Variants in TASP1 observed in about 807,000 individuals in gnomAD.
The protein encoded by TASP1 is taspase 1.
In TASP1, 16 loss-of-function variants were observed where a neutral mutation model predicts 56.6. The observed-to-expected ratio is 0.28, with a 90% CI of 0.19 to 0.43. TASP1 has a LOEUF of 0.43. Among genes scored for constraint, TASP1 ranks in the 20% least tolerant of loss-of-function variants. TASP1 has a pLI of 1.00. For missense variants in TASP1, 393 were observed against 511.6 expected, an observed-to-expected ratio of 0.77 and a Z score of 2.24; for synonymous variants, 179 against 184.2, an observed-to-expected ratio of 0.97 and a Z score of 0.23.
At chr20:13,515,373 G>A (rs1306794217) in intron 10 of TASP1, among the ~76,000 whole-genome samples, 1 of 151,890 alleles carries the variant, frequency 6.6e-6, no homozygotes, top group East Asian at 1.9e-4. Flanking sequence ...GATGGGTGTT[G>A]CACAGCACCA....
chr20:13,222,947 C>T, the TASP1 span, among the ~76,000 whole-genome samples: 1 of 152,050 alleles, frequency 6.6e-6, no homozygotes, highest in Non-Finnish European at 1.5e-5. Flanking sequence ...TGGATCACCT[C>T]AGGCCAGGTG....
chr20:13,139,328 T>G, the TASP1 span, among the ~76,000 whole-genome samples: 2 of 152,208 alleles, frequency 1.3e-5, no homozygotes, highest in African/African-American at 4.8e-5. Context: ...TTGGTATTAG[T>G]TAAGTTATGT....
At chr20:13,117,546 C>G in the TASP1 span, 1 of 1,606,616 alleles carries the variant, frequency 6.2e-7, no homozygotes, top group South Asian at 1.1e-5. Context: ...GATCATAGCT[C>G]TAAAGAAGAA....
At position 13,534,050 on chromosome 20, in the gene TASP1, G is replaced by A; in HGVS notation, c.767C>T (p.Ala256Val). The A allele has an allele frequency of 6.2e-7, 1 of 1,613,214 alleles. No individual in the cohort carries two copies. The highest frequency in any genetic ancestry group is 8.5e-7 in the Non-Finnish European group (1 of 1,179,528). Residue 256 changes from alanine (A) to valine (V), a missense_variant, in exon 9 of 14, where the codon GCC becomes GTC. Coordinates refer to ENST00000337743, the MANE Select transcript of TASP1 (RefSeq NM_017714.3). The stretch of plus-strand genomic sequence containing the variant: ...CCCAACTCTCCCCGGATGTTTCAAG[G>A]CCAAGCCTCCACTGGAGACAGCAGC... ...VAAAVSSGGLALKHPGRVGQA... is the reference protein window; with the variant it reads ...VAAAVSSGGLVLKHPGRVGQA...
chr20:13,473,178 T>C (rs1172315571), intron 11 of TASP1, among the ~76,000 whole-genome samples: 1 of 152,102 alleles, frequency 6.6e-6, no homozygotes, highest in Non-Finnish European at 1.5e-5. Context: ...TGAGTTCATG[T>C]CCTTTGTAGT....
At chr20:13,212,607 C>T in the TASP1 span, among the ~76,000 whole-genome samples, 21 of 152,128 alleles carry the variant, frequency 1.4e-4, no homozygotes, top group East Asian at 2.1e-3. Flanking sequence ...TTCATGGCCC[C>T]GACAAATAAA....
intron 12 of TASP1, among the ~76,000 whole-genome samples, chr20:13,431,090 G>A (rs758570661): frequency 4.0e-5 from 6 of 151,296 alleles, no homozygotes; most frequent in Non-Finnish European, 7.4e-5. Context: ...TTATTCTTGG[G>A]ACCAAAAAAG....
chr20:13,615,292 C>A (rs930984842), intron 4 of TASP1, among the ~76,000 whole-genome samples: 3 of 152,112 alleles, frequency 2.0e-5, no homozygotes, highest in Non-Finnish European at 2.9e-5. Context: ...GTACACCATG[C>A]AGGAGGCTGG....
intron 10 of TASP1, among the ~76,000 whole-genome samples, chr20:13,528,068 A>G (rs755323569): frequency 6.6e-6 from 1 of 151,674 alleles, no homozygotes; most frequent in Non-Finnish European, 1.5e-5. Context: ...CTAAAAATAC[A>G]AAAAATCAGC....
At chr20:13,561,512 C>T (rs1020767723) in intron 7 of TASP1, among the ~76,000 whole-genome samples, 3 of 152,024 alleles carry the variant, frequency 2.0e-5, no homozygotes, top group Non-Finnish European at 4.4e-5. Context: ...ATTACAGGCA[C>T]GTGCCACCAC....
intron 9 of TASP1, 88 bp from the exon 10 acceptor site, chr20:13,528,599 C>T: frequency 8.5e-7 from 1 of 1,170,748 alleles, no homozygotes; most frequent in Non-Finnish European, 1.2e-6. Flanking sequence ...TCTAATAAAG[C>T]CTGGTTTAAT....
At chr20:13,392,553 G>A (rs574240392) in intron 13 of TASP1, 1 of 262,956 alleles carries the variant, frequency 3.8e-6, no homozygotes, top group African/African-American at 2.3e-5. Flanking sequence ...ATGCTGAGTG[G>A]GTAAATGACT....
chr20:13,579,445 T>C (rs1247714035), intron 6 of TASP1, among the ~76,000 whole-genome samples: 4 of 152,024 alleles, frequency 2.6e-5, no homozygotes, highest in African/African-American at 4.8e-5. Context: ...CTCAGCTCAC[T>C]GCAAGCTCCG....
intron 13 of TASP1, chr20:13,393,347 C>T (rs1466110975): frequency 2.7e-6 from 2 of 750,034 alleles, no homozygotes; most frequent in Non-Finnish European, 2.4e-6. Context: ...CCGAGCTGAA[C>T]AGGAAGCTCA....
chr20:13,124,237 C>A, the TASP1 span, among the ~76,000 whole-genome samples: 10 of 152,164 alleles, frequency 6.6e-5, no homozygotes, highest in East Asian at 1.7e-3. Context: ...ATCCTCCCTC[C>A]CCTCCTGGAC....
At chr20:13,163,166 G>A in the TASP1 span, among the ~76,000 whole-genome samples, 89 of 151,904 alleles carry the variant, frequency 5.9e-4, no homozygotes, top group Non-Finnish European at 8.2e-4. Flanking sequence ...TCAGGAGTTC[G>A]AGACCAGCCT....
intron 11 of TASP1, among the ~76,000 whole-genome samples, chr20:13,454,320 C>G (rs1367019299): frequency 6.6e-6 from 1 of 152,126 alleles, no homozygotes; most frequent in Non-Finnish European, 1.5e-5. Context: ...GGCAGGAAGA[C>G]TGCTTAGGAA....
intron 13 of TASP1, among the ~76,000 whole-genome samples, chr20:13,395,693 C>CTTTTTTTTTTTTTTT (rs71188158): frequency 1.5e-5 from 2 of 136,424 alleles, no homozygotes; most frequent in Non-Finnish European, 3.2e-5. Flanking sequence ...CCTCAGCTTT[C>CTTTTTTTTTTTTTTT]TTTTTTTTTT....
the TASP1 span, among the ~76,000 whole-genome samples, chr20:13,314,398 A>G: frequency 2.0e-5 from 3 of 151,668 alleles, no homozygotes; most frequent in African/African-American, 4.8e-5. Flanking sequence ...CACCTTATCT[A>G]TAAAGGAGCA....
Sources: gnomAD v4.1 joint callset for allele counts (sites outside exome capture counted in the v4.1 genomes callset) on GRCh38, gnomAD v4.1.1 for gene constraint, MANE v1.5 for transcripts, NCBI Gene and HGNC (gene_info 2026-07-23, HGNC 2026-07-21) for gene names.